The following AGBL1 variants were observed in gnomAD, a reference collection of about 807,000 sequenced individuals.
The protein encoded by AGBL1 is cytosolic carboxypeptidase 4.
In AGBL1, 130 loss-of-function variants were observed where a neutral mutation model predicts 118.9. The observed-to-expected ratio is 1.09, with a 90% CI of 0.95 to 1.26. AGBL1 has a LOEUF of 1.26. AGBL1 is among the 50% of genes most tolerant of loss of function. AGBL1 has a pLI of 0.00. For missense variants in AGBL1, 1,584 were observed against 1,298.1 expected (o/e 1.22, Z -3.38); for synonymous variants, 555 against 478.9 (o/e 1.16, Z -2.08).
chr15:86,876,594 G>A lies in AGBL1; in HGVS notation c.3159-30493G>A, dbSNP rs150174221. Among the ~76,000 whole-genome samples, 18 of 152,314 alleles carry A rather than the reference G, an allele frequency of 1.2e-4. No homozygotes were observed. The East Asian group carries it at 3.5e-3, about 29-fold the overall frequency. Reference sequence around the variant, plus strand: ...TGATTATGGTTTTCTTCTGGAGCTGGGCTTGGCAAAGTTATTCTGCAAAGA... The same window carrying A: ...TGATTATGGTTTTCTTCTGGAGCTGAGCTTGGCAAAGTTATTCTGCAAAGA... On this transcript the variant is annotated intron_variant, in intron 22 of 22. Coordinates refer to ENST00000614907, the MANE Select transcript of AGBL1 (RefSeq NM_001386094.1).
intron 1 of AGBL1, among the ~76,000 whole-genome samples, chr15:86,137,636 A>G (rs931625724): frequency 1.2e-4 from 18 of 152,084 alleles, no homozygotes; most frequent in African/African-American, 4.1e-4. Context: ...ATTTTTTCCA[A>G]AATCTTGCAG....
chr15:86,168,466 A>G (rs1597486151), intron 5 of AGBL1, among the ~76,000 whole-genome samples: 1 of 152,228 alleles, frequency 6.6e-6, no homozygotes, highest in South Asian at 2.1e-4. Flanking sequence ...CTTTTCTTAA[A>G]CTATGTCCTA....
chr15:86,769,147 A>G (rs2078136528), intron 22 of AGBL1, among the ~76,000 whole-genome samples: 1 of 106,760 alleles, frequency 9.4e-6, no homozygotes, highest in South Asian at 3.0e-4. Context: ...CCAAGATTAA[A>G]GCTGTTGGTG....
intron 3 of AGBL1, among the ~76,000 whole-genome samples, chr15:86,150,200 A>T (rs919039766): frequency 6.6e-6 from 1 of 152,244 alleles, no homozygotes; most frequent in Non-Finnish European, 1.5e-5. Flanking sequence ...CAACACCCTA[A>T]CATCACAACT....
intron 17 of AGBL1, among the ~76,000 whole-genome samples, chr15:86,358,258 C>T (rs1028702652): frequency 6.6e-6 from 1 of 151,962 alleles, no homozygotes; most frequent in Non-Finnish European, 1.5e-5. Context: ...TTTTACAGTC[C>T]ACATAAAAGT....
intron 1 of AGBL1, among the ~76,000 whole-genome samples, chr15:86,086,794 T>C (rs1895687146): frequency 2.6e-5 from 4 of 152,172 alleles, no homozygotes; most frequent in Admixed American, 2.6e-4. Flanking sequence ...TGCCATATAT[T>C]GTTGTAGATG....
At chr15:86,550,625 A>G (rs2083650931) in intron 20 of AGBL1, among the ~76,000 whole-genome samples, 1 of 152,136 alleles carries the variant, frequency 6.6e-6, no homozygotes, top group Non-Finnish European at 1.5e-5. Context: ...ACAAGAAGAA[A>G]AAGTTGAAAG....
At chr15:86,143,648 G>A (rs1597451725) in intron 2 of AGBL1, 51 bp from the exon 3 acceptor site, 2 of 1,596,914 alleles carry the variant, frequency 1.3e-6, no homozygotes, top group East Asian at 2.2e-5. Flanking sequence ...CTGCTCCAAG[G>A]AAAATGGGGA....
chr15:86,541,334 C>T (rs1189936078), intron 19 of AGBL1, among the ~76,000 whole-genome samples: 1 of 152,148 alleles, frequency 6.6e-6, no homozygotes, highest in Non-Finnish European at 1.5e-5. Context: ...GGGTGTGGCT[C>T]AGCAGTCTGC....
intron 22 of AGBL1, among the ~76,000 whole-genome samples, chr15:86,870,296 T>C (rs1567216466): frequency 6.6e-6 from 1 of 151,126 alleles, no homozygotes; most frequent in Non-Finnish European, 1.5e-5. Flanking sequence ...AATCTGAGGC[T>C]TTGAGAATTT....
At chr15:86,834,077 G>C (rs915722648) in intron 22 of AGBL1, among the ~76,000 whole-genome samples, 2 of 152,086 alleles carry the variant, frequency 1.3e-5, no homozygotes, top group African/African-American at 4.8e-5. Context: ...GCTTGACTTT[G>C]ATCACTATGA....
chr15:86,270,330 G>T (rs1421756866), intron 14 of AGBL1, among the ~76,000 whole-genome samples: 1 of 152,132 alleles, frequency 6.6e-6, no homozygotes. Flanking sequence ...TTTGAGGTTG[G>T]TGAGCGTTCT....
chr15:86,117,521 T>G (rs1358106301), intron 1 of AGBL1, among the ~76,000 whole-genome samples: 1 of 152,184 alleles, frequency 6.6e-6, no homozygotes, highest in East Asian at 1.9e-4. Context: ...CATTTAATTC[T>G]CACTAAAGAC....
chr15:86,433,281 TTTTTTTTTTTTTG>T (rs2081960915), intron 18 of AGBL1, among the ~76,000 whole-genome samples: 1 of 103,490 alleles, frequency 9.7e-6, no homozygotes, highest in Non-Finnish European at 2.0e-5. Context: ...TTTTTTTTTT[TTTTTTTTTTTTTG>T]CCATTGGCCA....
intron 19 of AGBL1, among the ~76,000 whole-genome samples, chr15:86,525,614 A>G (rs572639947): frequency 1.3e-5 from 2 of 152,162 alleles, no homozygotes; most frequent in Non-Finnish European, 2.9e-5. Context: ...GACCAAGTAG[A>G]AAAAATATAT....
rs374879199 is a variant in AGBL1 at position 86,639,888 on chromosome 15, C to A, written c.2995-34385C>A. On this transcript the variant is annotated intron_variant, in intron 21 of 22. Coordinates refer to ENST00000614907, the MANE Select transcript of AGBL1 (RefSeq NM_001386094.1). ...GCAGGTTTTTATCTCTATAACCAGG[C>A]TGCAAACTCCTTGAAAGCTTGTCCT... is the stretch of plus-strand genomic sequence containing the variant. Among the ~76,000 whole-genome samples the A allele has an allele frequency of 2.3e-3, 345 of 152,268 alleles. 3 individuals carry two copies. The highest frequency in any genetic ancestry group is 8.0e-3 in the African/African-American group (333 of 41,550).
At chr15:86,772,933 TAA>T (rs1220789124) in intron 22 of AGBL1, among the ~76,000 whole-genome samples, 1 of 151,900 alleles carries the variant, frequency 6.6e-6, no homozygotes, top group Non-Finnish European at 1.5e-5. Flanking sequence ...GAAATGGAGA[TAA>T]GTTATCATAA....
intron 22 of AGBL1, among the ~76,000 whole-genome samples, chr15:86,856,331 A>G (rs766651715): frequency 6.6e-6 from 1 of 152,166 alleles, no homozygotes; most frequent in Non-Finnish European, 1.5e-5. Context: ...AATATCCCCA[A>G]TTGCTGGGAG....
intron 22 of AGBL1, among the ~76,000 whole-genome samples, chr15:86,870,466 A>C (rs2079708108): frequency 1.9e-4 from 6 of 31,116 alleles, no homozygotes; most frequent in African/African-American, 4.2e-4. Context: ...AAAAAAAAAA[A>C]AAAAAAAAAA....
Sources: allele counts gnomAD v4.1 joint callset (sites outside exome capture counted in the v4.1 genomes callset), GRCh38; gene constraint gnomAD v4.1.1; transcripts MANE v1.5; gene names NCBI Gene and HGNC (gene_info 2026-07-23, HGNC 2026-07-21).